The following LY86 variants were observed in gnomAD, a reference collection of about 807,000 sequenced individuals.
LY86 encodes lymphocyte antigen 86, also known as MD-1, RP105-associated.
LY86 carries 20 observed loss-of-function variants against 17.3 expected under a neutral mutation model. The ratio of observed to expected loss-of-function variants is 1.15; its 90% CI spans 0.81 to 1.68. The LOEUF (loss-of-function observed/expected upper bound fraction) is 1.68. Ranked by LOEUF, LY86 falls within the 40% of genes most tolerant of loss-of-function variation. The pLI is 0.00. For synonymous variants in LY86, 74 were observed against 70.6 expected, an observed-to-expected ratio of 1.05 and a Z score of -0.24; for missense variants, 200 against 191.9, an observed-to-expected ratio of 1.04 and a Z score of -0.25.
intron 1 of LY86, among the ~76,000 whole-genome samples, chr6:6,605,844 C>T (rs536478572): frequency 1.3e-5 from 2 of 152,216 alleles, no homozygotes; most frequent in East Asian, 1.9e-4. Flanking sequence ...GTGAATGTTA[C>T]AGCTCTTAAG....
chr6:6,589,708 C>A (rs569326370), intron 1 of LY86, among the ~76,000 whole-genome samples: 1 of 152,184 alleles, frequency 6.6e-6, no homozygotes, highest in Non-Finnish European at 1.5e-5. Context: ...TCCCTGTCTC[C>A]TCATGTGCTC....
At chr6:6,606,610 C>T (rs1259146523) in intron 1 of LY86, among the ~76,000 whole-genome samples, 2 of 152,230 alleles carry the variant, frequency 1.3e-5, no homozygotes, top group Non-Finnish European at 2.9e-5. Flanking sequence ...GTCCCTAGCC[C>T]TGCCACGCGG....
chr6:6,629,703 T>C (rs1761870538), intron 3 of LY86, among the ~76,000 whole-genome samples: 1 of 152,250 alleles, frequency 6.6e-6, no homozygotes, highest in South Asian at 2.1e-4. Flanking sequence ...ACTGAAATGT[T>C]GCCTCCTTTC....
chr6:6,616,825 T>C (rs186811740), intron 1 of LY86, among the ~76,000 whole-genome samples: 1 of 152,350 alleles, frequency 6.6e-6, no homozygotes, highest in Admixed American at 6.5e-5. Context: ...TGCAGTCACG[T>C]AAACCACCCT....
intron 3 of LY86, among the ~76,000 whole-genome samples, chr6:6,639,371 CTCCTTTCTTAA>C (rs1240181213): frequency 6.6e-6 from 1 of 152,086 alleles, no homozygotes; most frequent in Non-Finnish European, 1.5e-5. Flanking sequence ...CACCTGGTCC[CTCCTTTCTTAA>C]TCCAAGGCCG....
chr6:6,650,228 A>G (rs985680038), intron 4 of LY86, among the ~76,000 whole-genome samples: 1 of 152,242 alleles, frequency 6.6e-6, no homozygotes, highest in African/African-American at 2.4e-5. Context: ...CTAAGAGTAG[A>G]ATTTTCCACT....
intron 1 of LY86, among the ~76,000 whole-genome samples, chr6:6,612,038 A>C (rs1333003641): frequency 7.8e-6 from 1 of 128,364 alleles, no homozygotes; most frequent in Non-Finnish European, 1.7e-5. Flanking sequence ...TTGTATTAGG[A>C]GAGAGCAAAT....
intron 1 of LY86, among the ~76,000 whole-genome samples, chr6:6,600,768 C>CT (rs1330514685): frequency 6.6e-6 from 1 of 152,156 alleles, no homozygotes; most frequent in Admixed American, 6.5e-5. Flanking sequence ...AATCCTTCCA[C>CT]TTCTCTCCAC....
intron 3 of LY86, among the ~76,000 whole-genome samples, chr6:6,640,267 G>T: frequency 6.6e-6 from 1 of 152,100 alleles, no homozygotes; most frequent in Non-Finnish European, 1.5e-5. Flanking sequence ...AATAAAAAGT[G>T]TAGGGAGAGG....
chr6:6,592,368 T>G (rs1397781612), intron 1 of LY86, among the ~76,000 whole-genome samples: 1 of 152,154 alleles, frequency 6.6e-6, no homozygotes, highest in East Asian at 1.9e-4. Flanking sequence ...GTCCCACGGT[T>G]ACAAAAGCCC....
chr6:6,649,483 G>GTGGTCGCC, intron 3 of LY86, 142 bp from the exon 4 acceptor site: 1 of 455,394 alleles, frequency 2.2e-6, no homozygotes. Flanking sequence ...GTGTAGATCA[G>GTGGTCGCC]GAAATGAAAA....
At chr6:6,610,403 C>T (rs1761302040) in intron 1 of LY86, among the ~76,000 whole-genome samples, 1 of 152,222 alleles carries the variant, frequency 6.6e-6, no homozygotes, top group African/African-American at 2.4e-5. Context: ...TTATGACCCA[C>T]AGTGCAGGCC....
intron 1 of LY86, chr6:6,622,705 A>T (rs1319786383): frequency 6.6e-6 from 1 of 151,884 alleles, no homozygotes; most frequent in Admixed American, 6.6e-5. Flanking sequence ...TGCATCTTCC[A>T]GGTCAGCAAT....
chr6:6,605,942 T>TA (rs1761120244), intron 1 of LY86, among the ~76,000 whole-genome samples: 1 of 152,136 alleles, frequency 6.6e-6, no homozygotes, highest in East Asian at 1.9e-4. Flanking sequence ...CAGTATGGGT[T>TA]ATAACTCATA....
At chr6:6,619,005 A>G (rs898782407) in intron 1 of LY86, among the ~76,000 whole-genome samples, 1 of 152,234 alleles carries the variant, frequency 6.6e-6, no homozygotes, top group South Asian at 2.1e-4. Flanking sequence ...TTAATTTTGC[A>G]TTGTGCTGGT....
chr6:6,627,083 C>T (rs745686219), intron 3 of LY86, among the ~76,000 whole-genome samples: 1 of 152,074 alleles, frequency 6.6e-6, no homozygotes, highest in South Asian at 2.1e-4. Flanking sequence ...GAGATGCTTC[C>T]GCGGTGTGGT....
chr6:6,613,970 G>C (rs539630514), intron 1 of LY86, among the ~76,000 whole-genome samples: 67 of 152,250 alleles, frequency 4.4e-4, no homozygotes, highest in Non-Finnish European at 8.1e-4. Flanking sequence ...CTCAAATTCT[G>C]ATGGAGATAT....
intron 1 of LY86, among the ~76,000 whole-genome samples, chr6:6,614,660 C>T (rs1761504841): frequency 6.6e-6 from 1 of 152,128 alleles, no homozygotes; most frequent in African/African-American, 2.4e-5. Flanking sequence ...CAGCTTTGTT[C>T]TCTTTGTCCC....
chr6:6,654,777 T>C lies in LY86; in HGVS notation c.*150T>C. ...CAAAGAGTGCAGCTGCTAATTTTAG[T>C]CCCAGGACCAGACATCCCCAGACTC... On this transcript the variant is annotated 3_prime_UTR_variant, in exon 5 of 5. Transcript: ENST00000230568. 1 of 636,308 alleles carries C rather than the reference T, an allele frequency of 1.6e-6. No individual in the cohort carries two copies. The highest frequency in any genetic ancestry group is 2.8e-6 in the Non-Finnish European group (1 of 362,276). 39.4% of individuals were successfully genotyped at this position (636,308 alleles called of 1,614,324 possible). A position where few individuals can be genotyped will look rare whatever the true frequency, so the allele number is the denominator to read the frequency against.
Sources: allele counts gnomAD v4.1 joint callset (sites outside exome capture counted in the v4.1 genomes callset), GRCh38; gene constraint gnomAD v4.1.1; transcripts MANE v1.5; gene names NCBI Gene and HGNC (gene_info 2026-07-23, HGNC 2026-07-21).